Variants in NRXN3 observed in about 807,000 individuals in gnomAD.
The protein encoded by NRXN3 is neurexin 3.
A neutral mutation model predicts 137.6 loss-of-function variants in NRXN3; 32 were observed. The observed-to-expected ratio is 0.23, with a 90% CI of 0.18 to 0.31. The LOEUF (loss-of-function observed/expected upper bound fraction) is 0.31, where lower values mean the gene tolerates loss of function less well. Among genes scored for constraint, NRXN3 ranks in the 10% least tolerant of loss-of-function variants. The pLI is 1.00. For missense variants in NRXN3, 1,574 were observed against 2,062.5 expected (o/e 0.76, Z 4.59); for synonymous variants, 798 against 784.5 (o/e 1.02, Z -0.29).
rs941128108 is a variant in NRXN3 at position 79,494,418 on chromosome 14, G to T, written c.3444+27016G>T. ...ATAATCTCCTAGAAACTTGAAAACTGGTTATACACAGAAAGCAAAAGAGGT... is the reference window on the plus strand; with the variant it reads ...ATAATCTCCTAGAAACTTGAAAACTTGTTATACACAGAAAGCAAAAGAGGT... On this transcript the variant is annotated intron_variant, in intron 16 of 20. Transcript: ENST00000335750. 2.0e-5 allele frequency among the ~76,000 whole-genome samples: 3 copies of T among 152,068 alleles called. No homozygotes were observed. In the South Asian group the frequency reaches 6.2e-4, roughly 31 times the overall value.
At chr14:78,908,941 A>G (rs1029371696) in intron 10 of NRXN3, among the ~76,000 whole-genome samples, 4 of 152,252 alleles carry the variant, frequency 2.6e-5, no homozygotes, top group Non-Finnish European at 1.5e-5. Context: ...ATCCACATCC[A>G]CTTGTGAAGA....
intron 4 of NRXN3, among the ~76,000 whole-genome samples, chr14:78,576,507 C>G (rs533209761): frequency 1.4e-4 from 22 of 152,242 alleles, no homozygotes; most frequent in African/African-American, 5.1e-4. Context: ...GGTGTTTGTA[C>G]TGATCTCGGA....
Position 78,926,780 on chromosome 14 carries a change from T to TAA in NRXN3, c.2276-30459_2276-30458dup, listed in dbSNP as rs1244297997. ...ATATATATTATATATATTATATATATAAAATATATTATATATTATATATTT... is the reference window on the plus strand; with the variant it reads ...ATATATATTATATATATTATATATATAAAAAATATATTATATATTATATATTT... On this transcript the variant is annotated intron_variant, in intron 10 of 20. Transcript: ENST00000335750. 2.8e-3 allele frequency among the ~76,000 whole-genome samples: 108 copies of TAA among 38,568 alleles called. 4 individuals are homozygous for TAA. The highest frequency in any genetic ancestry group is 3.8e-3 in the Non-Finnish European group (99 of 26,132). The allele number at this position is 38,568 out of a possible 152,430, so 25.3% of individuals were successfully genotyped here.
rs1301571627 is a variant in NRXN3, at chr14:78,513,612, CTG to C, written c.758-131504_758-131503del. ...AAATACATGAGGAGTTAAGTAAAAA[CTG>C]TGTTACTGAGACTGCAGTAACTTTT... On this transcript the variant is annotated intron_variant, in intron 4 of 20. Transcript: ENST00000335750. Among the ~76,000 whole-genome samples the C allele has an allele frequency of 3.3e-5, 5 of 152,046 alleles. 1 individual carries two copies. In the South Asian group the frequency reaches 1.0e-3, roughly 31 times the overall value.
At chr14:78,871,690 C>G (rs1176659753) in intron 10 of NRXN3, among the ~76,000 whole-genome samples, 1 of 152,110 alleles carries the variant, frequency 6.6e-6, no homozygotes, top group African/African-American at 2.4e-5. Flanking sequence ...AATCTCCTCT[C>G]CATTAGAAGT....
intron 15 of NRXN3, among the ~76,000 whole-genome samples, chr14:79,421,472 T>C (rs2095575062): frequency 6.6e-6 from 1 of 152,202 alleles, no homozygotes; most frequent in South Asian, 2.1e-4. Flanking sequence ...AGATACCAGA[T>C]GGCAAAATGT....
At chr14:79,618,044 G>C (rs191390586) in intron 16 of NRXN3, among the ~76,000 whole-genome samples, 1 of 151,860 alleles carries the variant, frequency 6.6e-6, no homozygotes, top group Non-Finnish European at 1.5e-5. Flanking sequence ...ACTTTCTGCT[G>C]TTTACTTGGG....
Position 78,899,867 on chromosome 14 carries a change from T to G in NRXN3, c.2276-57375T>G, listed in dbSNP as rs79948707. Among the ~76,000 whole-genome samples, 1,410 of 152,168 alleles carry G rather than the reference T, an allele frequency of 9.3e-3. 11 individuals are homozygous for G. Among genetic ancestry groups the G allele is most frequent in the Non-Finnish European group, 0.014 (956 of 67,948 alleles). On this transcript the variant is annotated intron_variant, in intron 10 of 20. Coordinates refer to ENST00000335750, the MANE Select transcript of NRXN3 (RefSeq NM_001330195.2). The stretch of plus-strand genomic sequence containing the variant: ...AACTATATAACTTTAACTCTCTTTT[T>G]CATTTTTAAAGATGTGATATTCCTC...
At chr14:78,576,295 C>T (rs1164498591) in intron 4 of NRXN3, among the ~76,000 whole-genome samples, 1 of 152,128 alleles carries the variant, frequency 6.6e-6, no homozygotes, top group African/African-American at 2.4e-5. Flanking sequence ...CTTGATTTAT[C>T]CATCTCAGTT....
intron 4 of NRXN3, among the ~76,000 whole-genome samples, chr14:78,625,939 C>G (rs2097453686): frequency 1.3e-5 from 2 of 152,174 alleles, no homozygotes; most frequent in Non-Finnish European, 2.9e-5. Flanking sequence ...GCCTCAACTC[C>G]CATGTCTGTA....
At chr14:79,326,093 C>A (rs569298801) in intron 15 of NRXN3, among the ~76,000 whole-genome samples, 9 of 152,252 alleles carry the variant, frequency 5.9e-5, no homozygotes, top group African/African-American at 2.2e-4. Context: ...TATTTACATT[C>A]TTTGCCAAAG....
chr14:78,874,662 CG>C (rs2099109551), intron 10 of NRXN3, among the ~76,000 whole-genome samples: 1 of 152,154 alleles, frequency 6.6e-6, no homozygotes, highest in Non-Finnish European at 1.5e-5. Flanking sequence ...ACAACATCCT[CG>C]TTTTCATTTT....
chr14:79,847,548 T>C (rs2099381971), intron 20 of NRXN3, among the ~76,000 whole-genome samples: 1 of 152,166 alleles, frequency 6.6e-6, no homozygotes, highest in African/African-American at 2.4e-5. Flanking sequence ...GATCAAAGAT[T>C]TTGTCCTAAC....
intron 20 of NRXN3, among the ~76,000 whole-genome samples, chr14:79,843,143 A>C (rs1464704119): frequency 6.6e-6 from 1 of 152,136 alleles, no homozygotes; most frequent in Non-Finnish European, 1.5e-5. Flanking sequence ...ATTGCTTTCT[A>C]TCTTGGCTAA....
At chr14:79,453,639 T>G (rs570150438) in intron 15 of NRXN3, among the ~76,000 whole-genome samples, 2 of 152,344 alleles carry the variant, frequency 1.3e-5, no homozygotes, top group Middle Eastern at 3.4e-3. Context: ...CATGGTTGTT[T>G]ATGGTCATGG....
chr14:78,411,788 G>GT (rs1055359831), intron 4 of NRXN3, among the ~76,000 whole-genome samples: 3 of 152,140 alleles, frequency 2.0e-5, no homozygotes, highest in Non-Finnish European at 4.4e-5. Flanking sequence ...CTGCCAGATT[G>GT]TTTTTTCCAA....
At chr14:78,853,916 G>C (rs1040229995) in intron 10 of NRXN3, among the ~76,000 whole-genome samples, 1 of 152,126 alleles carries the variant, frequency 6.6e-6, no homozygotes, top group Non-Finnish European at 1.5e-5. Context: ...GAGTGCATTT[G>C]TATTCTTAAA....
chr14:78,324,205 G>A (rs537190310), intron 4 of NRXN3, among the ~76,000 whole-genome samples: 3 of 152,138 alleles, frequency 2.0e-5, no homozygotes, highest in East Asian at 1.9e-4. Context: ...GGATAAACCC[G>A]CTTACCACAT....
At chr14:79,237,484 G>A (rs576000499) in intron 15 of NRXN3, among the ~76,000 whole-genome samples, 1 of 152,200 alleles carries the variant, frequency 6.6e-6, no homozygotes, top group South Asian at 2.1e-4. Context: ...TATCTTAGGT[G>A]ATATGCTGTG....
Sources: allele counts gnomAD v4.1 joint callset (sites outside exome capture counted in the v4.1 genomes callset), GRCh38; gene constraint gnomAD v4.1.1; transcripts MANE v1.5; gene names NCBI Gene and HGNC (gene_info 2026-07-23, HGNC 2026-07-21).